TRPM3: variants seen among roughly 807,000 people sequenced by gnomAD.
TRPM3 encodes transient receptor potential cation channel subfamily M member 3, also known as long transient receptor potential channel 3.
TRPM3 carries 77 observed loss-of-function variants against 181.2 expected under a neutral mutation model. That is an observed-to-expected ratio of 0.42 (90% confidence interval 0.35 to 0.51). The LOEUF (loss-of-function observed/expected upper bound fraction) is 0.51, where lower values mean the gene tolerates loss of function less well. Among genes scored for constraint, TRPM3 ranks in the 20% least tolerant of loss-of-function variants. The pLI, the probability that TRPM3 is intolerant of heterozygous loss-of-function variation, is 0.01. For missense variants in TRPM3, 1,759 were observed against 2,196.7 expected (o/e 0.80, Z 3.98); for synonymous variants, 745 against 796.4 (o/e 0.94, Z 1.09).
At chr9:70,605,020 G>GAT (rs1044273693) in intron 19 of TRPM3, among the ~76,000 whole-genome samples, 1 of 146,894 alleles carries the variant, frequency 6.8e-6, no homozygotes, top group African/African-American at 2.5e-5. Flanking sequence ...GCAGTGGTGC[G>GAT]ATCTCGGCTT....
At chr9:71,158,932 C>T (rs2076137205) in intron 1 of TRPM3, among the ~76,000 whole-genome samples, 2 of 152,020 alleles carry the variant, frequency 1.3e-5, no homozygotes. Context: ...CTACCCTCAG[C>T]CCTCTTGATT....
chr9:70,574,085 C>T (rs765053995), intron 22 of TRPM3, among the ~76,000 whole-genome samples: 9 of 82,652 alleles, frequency 1.1e-4, no homozygotes, highest in South Asian at 4.3e-4. Flanking sequence ...GACACACACA[C>T]GCGCGCGCAC....
chr9:70,970,988 A>T (rs1202724281), intron 1 of TRPM3, among the ~76,000 whole-genome samples: 2 of 152,198 alleles, frequency 1.3e-5, no homozygotes, highest in African/African-American at 4.8e-5. Flanking sequence ...AACCAATCCA[A>T]GCCTAAACTG....
At position 71,168,566 on chromosome 9, in the gene TRPM3, TTA is replaced by T. The variant is rs2076663166; in HGVS notation, c.183+278085_183+278086del. Reference sequence around the variant, plus strand: ...TTTATTTATTTATTTATTTATTTATTTATTTATTTTTGTTTTTTATTTTTTTA... The same window carrying T: ...TTTATTTATTTATTTATTTATTTATTTTTATTTTTGTTTTTTATTTTTTTA... On this transcript the variant is annotated intron_variant, in intron 1 of 24. Coordinates refer to the TRPM3 transcript ENST00000357533. 1.7e-4 allele frequency among the ~76,000 whole-genome samples: 19 copies of T among 111,770 alleles called. 1 individual carries two copies. The South Asian group carries it at 5.5e-3, about 32-fold the overall frequency. 73.3% of individuals were successfully genotyped at this position (111,770 alleles called of 152,430 possible).
At chr9:70,988,608 C>T (rs1434243294) in intron 1 of TRPM3, among the ~76,000 whole-genome samples, 2 of 152,160 alleles carry the variant, frequency 1.3e-5, no homozygotes, top group Admixed American at 6.5e-5. Flanking sequence ...AATCTAGGTA[C>T]TGCTGTGAAG....
intron 1 of TRPM3, among the ~76,000 whole-genome samples, chr9:70,927,818 GT>G (rs1018829150): frequency 1.3e-5 from 2 of 152,136 alleles, no homozygotes; most frequent in African/African-American, 4.8e-5. Flanking sequence ...CTGTTTAAAT[GT>G]TGTCCATTCT....
At chr9:70,539,193 G>A (rs2042580307) in intron 25 of TRPM3, among the ~76,000 whole-genome samples, 1 of 152,126 alleles carries the variant, frequency 6.6e-6, no homozygotes, top group East Asian at 1.9e-4. Flanking sequence ...TGGGGGTGGT[G>A]GTGAGGTTTT....
At chr9:71,398,772 A>G (rs1010726180) in intron 1 of TRPM3, among the ~76,000 whole-genome samples, 2 of 152,184 alleles carry the variant, frequency 1.3e-5, no homozygotes, top group African/African-American at 2.4e-5. Context: ...AGACTCATAC[A>G]ATCTCTATAC....
intron 1 of TRPM3, among the ~76,000 whole-genome samples, chr9:71,404,053 A>G (rs1419229200): frequency 6.6e-6 from 1 of 152,214 alleles, no homozygotes; most frequent in Non-Finnish European, 1.5e-5. Flanking sequence ...TGTTTGTTCT[A>G]TTAAAGAAAC....
chr9:70,558,706 AAAACTTATT>A (rs2048336492), intron 22 of TRPM3, among the ~76,000 whole-genome samples: 2 of 152,212 alleles, frequency 1.3e-5, no homozygotes, highest in African/African-American at 4.8e-5. Flanking sequence ...TAAAGTGAAG[AAAACTTATT>A]CTAGAAGCTG....
intron 7 of TRPM3, among the ~76,000 whole-genome samples, chr9:70,761,953 T>C (rs1033484529): frequency 5.9e-5 from 9 of 152,206 alleles, no homozygotes. Context: ...TTGATTTACA[T>C]ATTTTAATTT....
intron 1 of TRPM3, among the ~76,000 whole-genome samples, chr9:71,070,527 A>G (rs1178402199): frequency 6.6e-6 from 1 of 152,256 alleles, no homozygotes; most frequent in Non-Finnish European, 1.5e-5. Flanking sequence ...TTTTAAAAAA[A>G]AATCTAAACA....
At position 71,171,366 on chromosome 9, in the gene TRPM3, A is replaced by C. The variant is rs192745635; in HGVS notation, c.183+275287T>G. Among the ~76,000 whole-genome samples, 46 of 152,180 alleles carry C rather than the reference A, an allele frequency of 3.0e-4. No homozygotes were observed. The East Asian group carries it at 8.5e-3, about 28-fold the overall frequency. ...ACTCCCTCCCCTTTTGAAAATCCCT[A>C]ATAAAAACTTGCTGGTTTTTGTGGC... On this transcript the variant is annotated intron_variant, in intron 1 of 24. Transcript: ENST00000357533.
At chr9:70,681,686 A>T (rs2065476955) in intron 8 of TRPM3, 108 bp from the exon 9 acceptor site, 1 of 933,118 alleles carries the variant, frequency 1.1e-6, no homozygotes, top group African/African-American at 1.6e-5. Flanking sequence ...TACAAAGTAG[A>T]TTCTTAACCA....
chr9:70,899,783 C>T (rs1041024090), intron 1 of TRPM3, among the ~76,000 whole-genome samples: 5 of 152,178 alleles, frequency 3.3e-5, no homozygotes, highest in African/African-American at 1.2e-4. Flanking sequence ...GTTAGGAACC[C>T]TCTCTGCTTT....
chr9:70,630,823 A>C (rs532956931), intron 12 of TRPM3, among the ~76,000 whole-genome samples: 11 of 152,260 alleles, frequency 7.2e-5, no homozygotes, highest in Non-Finnish European at 1.3e-4. Context: ...TTCTTTTTTC[A>C]TGCTATGAAC....
chr9:71,058,243 T>C (rs688933), intron 1 of TRPM3, among the ~76,000 whole-genome samples: 138,394 of 152,138 alleles, frequency 0.91, 63,047 homozygotes, highest in East Asian at 1. Flanking sequence ...GGATATAAGG[T>C]TGCATACTAT....
chr9:70,634,197 C>G (rs960924933), intron 12 of TRPM3, among the ~76,000 whole-genome samples: 2 of 152,172 alleles, frequency 1.3e-5, no homozygotes, highest in Non-Finnish European at 1.5e-5. Context: ...GCAGCCTCCA[C>G]CTCCCGGGTT....
At chr9:70,686,437 T>G (rs2066783886) in intron 8 of TRPM3, among the ~76,000 whole-genome samples, 1 of 152,196 alleles carries the variant, frequency 6.6e-6, no homozygotes, top group South Asian at 2.1e-4. Flanking sequence ...TATTAGCTAC[T>G]CTGAGGGGAG....
Sources: allele counts gnomAD v4.1 joint callset (sites outside exome capture counted in the v4.1 genomes callset), GRCh38; gene constraint gnomAD v4.1.1; transcripts MANE v1.5; gene names NCBI Gene and HGNC (gene_info 2026-07-23, HGNC 2026-07-21).